INPP4A: variants seen among roughly 807,000 people sequenced by gnomAD.
INPP4A encodes inositol polyphosphate-4-phosphatase, type I, 107kD.
A neutral mutation model predicts 119.8 loss-of-function variants in INPP4A; 33 were observed. The observed-to-expected ratio is 0.28, with a 90% CI of 0.21 to 0.37. The LOEUF is 0.37. Among genes scored for constraint, INPP4A ranks in the 10% least tolerant of loss-of-function variants. INPP4A has a pLI of 1.00. For synonymous variants in INPP4A, 496 were observed against 500.7 expected (o/e 0.99, Z 0.12); for missense variants, 956 against 1,289.9 (o/e 0.74, Z 3.97).
chr2:98,531,116 C>T (rs1395516917), intron 4 of INPP4A, among the ~76,000 whole-genome samples: 1 of 152,146 alleles, frequency 6.6e-6, no homozygotes, highest in Non-Finnish European at 1.5e-5. Context: ...TCTGAAAGGC[C>T]CCACCCCTAA....
chr2:98,456,263 A>G (rs1206921652), intron 1 of INPP4A, among the ~76,000 whole-genome samples: 3 of 152,248 alleles, frequency 2.0e-5, no homozygotes, highest in African/African-American at 7.2e-5. Context: ...AAATGGATAC[A>G]ACTATATAAG....
chr2:98,480,101 C>G (rs752076346), intron 1 of INPP4A, among the ~76,000 whole-genome samples: 1 of 152,222 alleles, frequency 6.6e-6, no homozygotes, highest in Admixed American at 6.5e-5. Context: ...CCGCTAGACA[C>G]GGAGCCTCTG....
intron 4 of INPP4A, among the ~76,000 whole-genome samples, chr2:98,531,227 G>A (rs1387070522): frequency 6.6e-6 from 1 of 152,096 alleles, no homozygotes; most frequent in African/African-American, 2.4e-5. Context: ...CAAACATTCA[G>A]TCATAACACT....
At chr2:98,511,981 A>G (rs1315834025) in intron 1 of INPP4A, among the ~76,000 whole-genome samples, 3 of 152,172 alleles carry the variant, frequency 2.0e-5, no homozygotes, top group African/African-American at 7.2e-5. Context: ...AGAAGGTAGG[A>G]AAGTTGGGTA....
At position 98,566,356 on chromosome 2, in the gene INPP4A, G is replaced by A. The variant is rs149338083; in HGVS notation, c.2420+187G>A. ...TGCTAGGGACACAGAGTGACCCAGA[G>A]GTGGTCTCTGTCCTCAGGGACTCAG... On this transcript the variant is annotated intron_variant, in intron 21 of 24. Transcript: ENST00000409851. This position sits in a 1 kb window ranked among gnomAD's most constrained non-coding sequence, Gnocchi z 4.2. 6.6e-3 allele frequency among the ~76,000 whole-genome samples: 1,000 copies of A among 152,290 alleles called. 18 individuals are homozygous for A. The highest frequency in any genetic ancestry group is 0.023 in the African/African-American group (937 of 41,544).
chr2:98,563,165 GTT>G (rs1316422919), intron 17 of INPP4A, among the ~76,000 whole-genome samples: 2 of 152,228 alleles, frequency 1.3e-5, no homozygotes, highest in East Asian at 3.9e-4. Context: ...CTTCTTTGTT[GTT>G]TTCCTCCGAA....
chr2:98,511,380 T>G (rs1358624883), intron 1 of INPP4A, among the ~76,000 whole-genome samples: 5 of 152,182 alleles, frequency 3.3e-5, no homozygotes, highest in African/African-American at 1.2e-4. Context: ...TTTCCTGTAT[T>G]TAAGCCCTAG....
Position 98,594,384 on chromosome 2 carries a change from T to TA in INPP4A, c.*6780dup, listed in dbSNP as rs1180645141. 3 of 152,216 alleles carry TA rather than the reference T, an allele frequency of 2.0e-5. No individual in the cohort carries two copies. The highest frequency in any genetic ancestry group is 4.4e-5 in the Non-Finnish European group (3 of 68,050). The allele number at this position is 152,216 out of a possible 1,614,324, so 9.4% of individuals were successfully genotyped here. On this transcript the variant is annotated 3_prime_UTR_variant, in exon 25 of 25. Transcript: ENST00000409851. Reference sequence around the variant, plus strand: ...TGTTTAACAGTAAAAATTAAATGTTTAAAACCCACCATTACTGAGAATGAT... The same window carrying TA: ...TGTTTAACAGTAAAAATTAAATGTTTAAAAACCCACCATTACTGAGAATGAT...
Position 98,543,760 on chromosome 2 carries a change from T to C in INPP4A, c.819-117T>C, listed in dbSNP as rs546797338. The C allele has an allele frequency of 3.1e-6, 4 of 1,308,338 alleles. No individual in the cohort carries two copies. In the African/African-American group the frequency reaches 5.8e-5, roughly 19 times the overall value. The allele number at this position is 1,308,338 out of a possible 1,614,324, so 81.0% of individuals were successfully genotyped here. On this transcript the variant is annotated intron_variant, in intron 10 of 24. Coordinates refer to ENST00000409851, the MANE Select transcript of INPP4A (RefSeq NM_001134225.2). Reference sequence around the variant, plus strand: ...AGGCAGTGTAACCATTGTCCTGGCCTGCCCTGGGCATCCATGATACTTCCC... The same window carrying C: ...AGGCAGTGTAACCATTGTCCTGGCCCGCCCTGGGCATCCATGATACTTCCC...
At chr2:98,575,600 T>A (rs1698283702) in intron 23 of INPP4A, among the ~76,000 whole-genome samples, 1 of 152,208 alleles carries the variant, frequency 6.6e-6, no homozygotes, top group Non-Finnish European at 1.5e-5. Context: ...TTGTCTTGCC[T>A]GAACATTGGG....
chr2:98,567,008 G>A (rs1182337979), intron 21 of INPP4A, among the ~76,000 whole-genome samples: 5 of 152,198 alleles, frequency 3.3e-5, no homozygotes, highest in Non-Finnish European at 7.3e-5. Context: ...GTCCATTGAC[G>A]CCTAGGTGTA....
intron 1 of INPP4A, among the ~76,000 whole-genome samples, chr2:98,478,181 G>T (rs546984591): frequency 3.9e-5 from 6 of 152,114 alleles, no homozygotes; most frequent in Non-Finnish European, 8.8e-5. Flanking sequence ...TTTAATTTGC[G>T]GGTGTTTCCT....
intron 1 of INPP4A, among the ~76,000 whole-genome samples, chr2:98,511,023 C>T (rs1159129207): frequency 2.6e-5 from 4 of 152,046 alleles, no homozygotes; most frequent in Non-Finnish European, 4.4e-5. Flanking sequence ...AGAAGGGATA[C>T]GCATTGCCAG....
At chr2:98,573,031 CA>C in intron 23 of INPP4A, 104 bp downstream of exon 23, 28 of 852,010 alleles carry the variant, frequency 3.3e-5, no homozygotes, top group Non-Finnish European at 5.1e-5. Context: ...CAGAGCTCTC[CA>C]TACTGGGAGA....
In INPP4A at chr2:98,572,867, G is replaced by C. The variant is rs61748144; in HGVS notation, c.2571G>C (p.Leu857=). The change falls in exon 23 of 25, where the codon CTG becomes CTC. Residue 857 remains leucine, a synonymous_variant. Transcript: ENST00000409851. ...QTCLPELLRF[L]GQNVHARKNK... ...GCCTGCCAGAGCTGCTGCGGTTTCT[G>C]GGTCAGAACGTGCATGCCCGGAAGA... 5.3e-3 allele frequency: 8,367 copies of C among 1,579,350 alleles called. 31 individuals are homozygous for C. Among genetic ancestry groups the C allele is most frequent in the Non-Finnish European group, 6.7e-3 (7,809 of 1,162,742 alleles).
At chr2:98,500,058 C>T (rs1682812919) in intron 1 of INPP4A, among the ~76,000 whole-genome samples, 1 of 152,182 alleles carries the variant, frequency 6.6e-6, no homozygotes, top group Non-Finnish European at 1.5e-5. Flanking sequence ...TGTCATTCTC[C>T]AGAGAGAATG....
At chr2:98,580,552 C>T (rs1282189425) in intron 24 of INPP4A, among the ~76,000 whole-genome samples, 2 of 152,238 alleles carry the variant, frequency 1.3e-5, no homozygotes, top group East Asian at 3.9e-4. Context: ...GCCACAGGGC[C>T]CTGCCAGCCT....
intron 1 of INPP4A, among the ~76,000 whole-genome samples, chr2:98,445,430 C>G (rs1454873729): frequency 1.3e-5 from 2 of 152,354 alleles, no homozygotes; most frequent in African/African-American, 4.8e-5. Context: ...GAGGCCTTGC[C>G]GTGTTTGGGG....
chr2:98,570,094 G>A lies in INPP4A; in HGVS notation c.2518+1426G>A, dbSNP rs967387495. ...GACAGACCTGGCTCTGGGCAAGGAC[G>A]CTGGAGTTGCCGGCAACAGCTGGGG... On this transcript the variant is annotated intron_variant, in intron 22 of 24. Coordinates refer to ENST00000409851, the MANE Select transcript of INPP4A (RefSeq NM_001134225.2). The surrounding 1 kb of genome is among the most constrained non-coding windows in gnomAD (Gnocchi z 4.3). 6.6e-6 allele frequency among the ~76,000 whole-genome samples: 1 copy of A among 152,144 alleles called. No homozygotes were observed. Among genetic ancestry groups the A allele is most frequent in the Admixed American group, 6.5e-5 (1 of 15,278 alleles).
Sources: gnomAD v4.1 joint callset for allele counts (sites outside exome capture counted in the v4.1 genomes callset) on GRCh38, gnomAD v4.1.1 for gene constraint, Gnocchi (gnomAD v3.1) non-coding constraint, MANE v1.5 for transcripts, NCBI Gene and HGNC (gene_info 2026-07-23, HGNC 2026-07-21) for gene names.